The following MTFR1 variants were observed in gnomAD, a reference collection of about 807,000 sequenced individuals.
MTFR1 encodes the protein chondrocyte protein with a poly-proline region.
Under a neutral mutation model 38.8 loss-of-function variants are expected in MTFR1, and 28 were observed. The ratio of observed to expected loss-of-function variants is 0.72; its 90% CI spans 0.53 to 0.99. The LOEUF (loss-of-function observed/expected upper bound fraction) is 0.99, where lower values mean the gene tolerates loss of function less well. Among genes scored for constraint, MTFR1 ranks in the 50% least tolerant of loss-of-function variants. MTFR1 has a pLI of 0.00. For missense variants in MTFR1, 358 were observed against 395.5 expected (o/e 0.91, Z 0.81); for synonymous variants, 145 against 137.0 (o/e 1.06, Z -0.41).
At chr8:65,761,154 G>A (rs1409820669) in intron 3 of MTFR1, among the ~76,000 whole-genome samples, 1 of 151,988 alleles carries the variant, frequency 6.6e-6, no homozygotes, top group South Asian at 2.1e-4. Context: ...CCGCCTCCCA[G>A]GTCCTGATTC....
chr8:65,751,271 T>C (rs1167458732), intron 3 of MTFR1, among the ~76,000 whole-genome samples: 1 of 152,206 alleles, frequency 6.6e-6, no homozygotes, highest in East Asian at 1.9e-4. Flanking sequence ...ACCAGAACTT[T>C]CGGGGGATGT....
intron 2 of MTFR1, chr8:65,717,814 T>A (rs1806201284): frequency 6.6e-6 from 1 of 152,196 alleles, no homozygotes; most frequent in African/African-American, 2.4e-5. Context: ...TGCAACAAAC[T>A]GTAAACAATT....
chr8:65,700,808 T>C (rs1227728738), intron 4 of MTFR1, among the ~76,000 whole-genome samples: 7 of 152,352 alleles, frequency 4.6e-5, no homozygotes, highest in African/African-American at 1.7e-4. Context: ...ATTTGCCTGC[T>C]AGGAAATTCC....
chr8:65,686,529 G>A (rs1377333118), intron 3 of MTFR1, among the ~76,000 whole-genome samples: 1 of 147,272 alleles, frequency 6.8e-6, no homozygotes, highest in African/African-American at 2.5e-5. Context: ...GCAGTGAGCC[G>A]AGTTCATGCT....
intron 3 of MTFR1, among the ~76,000 whole-genome samples, chr8:65,761,063 TC>T (rs1355600295): frequency 6.6e-6 from 1 of 151,994 alleles, no homozygotes; most frequent in Non-Finnish European, 1.5e-5. Flanking sequence ...TATTGTTTTT[TC>T]TTTTTTTTTT....
intron 4 of MTFR1, among the ~76,000 whole-genome samples, chr8:65,695,732 A>G (rs1805423041): frequency 6.6e-6 from 1 of 152,116 alleles, no homozygotes; most frequent in Non-Finnish European, 1.5e-5. Flanking sequence ...TCTGGAATAT[A>G]TTATGTTTGA....
At chr8:65,756,232 C>T (rs1808234951) in intron 3 of MTFR1, among the ~76,000 whole-genome samples, 1 of 152,198 alleles carries the variant, frequency 6.6e-6, no homozygotes, top group African/African-American at 2.4e-5. Flanking sequence ...TATAGTGTGT[C>T]TCAGTGTGGA....
intron 1 of MTFR1, among the ~76,000 whole-genome samples, chr8:65,662,700 G>A (rs1809472635): frequency 1.4e-5 from 2 of 141,490 alleles, no homozygotes; most frequent in African/African-American, 5.1e-5. Context: ...GAGCCCCTCC[G>A]CCCGGCAGCC....
At chr8:65,678,788 C>G (rs1804791349) in intron 2 of MTFR1, among the ~76,000 whole-genome samples, 1 of 151,884 alleles carries the variant, frequency 6.6e-6, no homozygotes, top group South Asian at 2.1e-4. Context: ...ATAATTCTAG[C>G]TAGATAGAAT....
chr8:65,736,056 T>C (rs143701438), intron 3 of MTFR1, among the ~76,000 whole-genome samples: 1 of 152,300 alleles, frequency 6.6e-6, no homozygotes, highest in Non-Finnish European at 1.5e-5. Flanking sequence ...GTTTTTCCTA[T>C]ACAAACACAC....
intron 3 of MTFR1, among the ~76,000 whole-genome samples, chr8:65,769,196 T>C (rs1484888411): frequency 1.5e-5 from 2 of 129,800 alleles, no homozygotes; most frequent in Non-Finnish European, 3.1e-5. Flanking sequence ...TGCAGTGTGC[T>C]AAGATCACGC....
intron 4 of MTFR1, among the ~76,000 whole-genome samples, chr8:65,704,233 A>C (rs1245789166): frequency 6.6e-6 from 1 of 152,238 alleles, no homozygotes; most frequent in Non-Finnish European, 1.5e-5. Flanking sequence ...CTGGCACAAT[A>C]GTGTTCAAGA....
intron 2 of MTFR1, among the ~76,000 whole-genome samples, chr8:65,672,915 A>ATATT (rs1199974769): frequency 1.3e-5 from 2 of 152,064 alleles, no homozygotes; most frequent in Non-Finnish European, 2.9e-5. Context: ...GGCTGGTTTG[A>ATATT]TATTTATTTT....
downstream of MTFR1, among the ~76,000 whole-genome samples, chr8:65,713,170 G>A (rs79975420): frequency 9.6e-3 from 1,458 of 152,300 alleles, 8 homozygotes; most frequent in East Asian, 0.042. Flanking sequence ...GCCGAGTGCC[G>A]TGGCTCACGC....
chr8:65,708,026 C>T lies in MTFR1; in HGVS notation c.933+15C>T. The T allele has an allele frequency of 6.2e-7, 1 of 1,610,298 alleles. No homozygotes were observed. Among genetic ancestry groups the T allele is most frequent in the Non-Finnish European group, 8.5e-7 (1 of 1,179,826 alleles). On this transcript the variant is annotated intron_variant, in intron 7 of 7. Transcript: ENST00000262146. ...AGAGAGTGTTGGTGAGTTATTTGCC[C>T]AGATTTCTTTCCTGTTATGTAGAAA...
intron 3 of MTFR1, among the ~76,000 whole-genome samples, chr8:65,757,920 T>A (rs1196213527): frequency 6.6e-6 from 1 of 152,184 alleles, no homozygotes; most frequent in Non-Finnish European, 1.5e-5. Context: ...CCCAGCCAAC[T>A]CCAAGACTTT....
chr8:65,686,306 T>C (rs1805069801), intron 3 of MTFR1, among the ~76,000 whole-genome samples: 1 of 152,194 alleles, frequency 6.6e-6, no homozygotes, highest in Non-Finnish European at 1.5e-5. Flanking sequence ...GCACAGTGGC[T>C]CGCACCTGTA....
At chr8:65,777,077 C>CTTTTTTT in the MTFR1 span, among the ~76,000 whole-genome samples, 1 of 90,462 alleles carries the variant, frequency 1.1e-5, no homozygotes, top group African/African-American at 5.4e-5. Context: ...TTATCAAATG[C>CTTTTTTT]TTTTTTTTTT....
intron 3 of MTFR1, chr8:65,745,334 C>T (rs1272972178): frequency 1.3e-5 from 11 of 865,908 alleles, no homozygotes; most frequent in Middle Eastern, 2.2e-4. Context: ...ATGAAAGCAA[C>T]GCACCAGCGG....
Sources: gnomAD v4.1 joint callset for allele counts (sites outside exome capture counted in the v4.1 genomes callset) on GRCh38, gnomAD v4.1.1 for gene constraint, MANE v1.5 for transcripts, NCBI Gene and HGNC (gene_info 2026-07-23, HGNC 2026-07-21) for gene names.